Variants in BMPR2 observed in about 807,000 individuals in gnomAD.
BMPR2 encodes bone morphogenetic protein receptor type 2, also known as bone morphogenetic protein receptor type-2.
Under a neutral mutation model 100.8 loss-of-function variants are expected in BMPR2, and 29 were observed. The ratio of observed to expected loss-of-function variants is 0.29; its 90% CI spans 0.21 to 0.39. The LOEUF (loss-of-function observed/expected upper bound fraction) is 0.39, where lower values mean the gene tolerates loss of function less well. Among genes scored for constraint, BMPR2 ranks in the 10% least tolerant of loss-of-function variants. The pLI is 1.00. For missense variants in BMPR2, 1,011 were observed against 1,274.5 expected (o/e 0.79, Z 3.15); for synonymous variants, 382 against 442.3 (o/e 0.86, Z 1.71).
rs1688664445 is a variant in BMPR2 at position 202,560,670 on chromosome 2, T to G, written c.*724T>G. 1 of 152,644 alleles carries G rather than the reference T, an allele frequency of 6.6e-6. No individual in the cohort carries two copies. Among genetic ancestry groups the G allele is most frequent in the South Asian group, 2.1e-4 (1 of 4,836 alleles). 9.5% of individuals were successfully genotyped at this position (152,644 alleles called of 1,614,324 possible). ...ATACAGAAACATTGTCTGAAAGGGC[T>G]CTAAAGAAGGAACTACCAAAACCTG... On this transcript the variant is annotated 3_prime_UTR_variant, in exon 13 of 13. Coordinates refer to ENST00000374580, the MANE Select transcript of BMPR2 (RefSeq NM_001204.7).
chr2:202,521,296 A>T (rs2106009519), intron 7 of BMPR2, among the ~76,000 whole-genome samples: 1 of 152,304 alleles, frequency 6.6e-6, no homozygotes, highest in East Asian at 1.9e-4. Flanking sequence ...GGCGTGATTG[A>T]TGGCTCATGC....
intron 1 of BMPR2, among the ~76,000 whole-genome samples, chr2:202,409,088 T>C (rs980158475): frequency 1.3e-5 from 2 of 152,232 alleles, no homozygotes; most frequent in Non-Finnish European, 2.9e-5. Flanking sequence ...CTCACGCCTG[T>C]AATTCCAACA....
intron 1 of BMPR2, among the ~76,000 whole-genome samples, chr2:202,411,040 T>G (rs1242264352): frequency 2.0e-5 from 3 of 152,158 alleles, no homozygotes; most frequent in Non-Finnish European, 2.9e-5. Flanking sequence ...CATTAGGCGA[T>G]CTCCATGGCA....
chr2:202,465,937 T>A (rs1692312157), intron 2 of BMPR2, among the ~76,000 whole-genome samples: 1 of 152,248 alleles, frequency 6.6e-6, no homozygotes, highest in Non-Finnish European at 1.5e-5. Context: ...TTTCCATGTC[T>A]TTAAAGAATC....
intron 1 of BMPR2, among the ~76,000 whole-genome samples, chr2:202,389,687 G>A (rs558828279): frequency 6.6e-6 from 1 of 150,794 alleles, no homozygotes; most frequent in African/African-American, 2.4e-5. Flanking sequence ...TCTTGTCCAG[G>A]CTGGAGTGCC....
At chr2:202,516,595 T>C (rs1216324551) in intron 5 of BMPR2, among the ~76,000 whole-genome samples, 3 of 152,084 alleles carry the variant, frequency 2.0e-5, no homozygotes, top group Non-Finnish European at 4.4e-5. Flanking sequence ...GAAGGATCAC[T>C]TGAGCCCAAG....
At chr2:202,480,172 G>A (rs901338123) in intron 3 of BMPR2, among the ~76,000 whole-genome samples, 3 of 150,420 alleles carry the variant, frequency 2.0e-5, no homozygotes, top group Admixed American at 6.6e-5. Flanking sequence ...TCACTCTGTC[G>A]CCCAGGCTGG....
chr2:202,399,226 T>G (rs1194268800), intron 1 of BMPR2, among the ~76,000 whole-genome samples: 2 of 152,042 alleles, frequency 1.3e-5, no homozygotes, highest in Non-Finnish European at 2.9e-5. Flanking sequence ...TAGAGGGTAA[T>G]TGGGGAAGGC....
intron 7 of BMPR2, among the ~76,000 whole-genome samples, chr2:202,521,478 G>C (rs1286120590): frequency 6.6e-6 from 1 of 152,008 alleles, no homozygotes; most frequent in Non-Finnish European, 1.5e-5. Context: ...GAGCTGGGAG[G>C]ATTGTTTGAG....
intron 1 of BMPR2, among the ~76,000 whole-genome samples, chr2:202,427,381 G>A (rs1436567899): frequency 5.7e-5 from 8 of 139,378 alleles, no homozygotes; most frequent in Non-Finnish European, 1.1e-4. Flanking sequence ...AAAAAAAAAA[G>A]GGCAGGTATA....
Position 202,555,769 on chromosome 2 carries a change from A to C in BMPR2, c.2104A>C (p.Thr702Pro). The C allele has an allele frequency of 3.7e-6, 6 of 1,614,180 alleles. No individual in the cohort carries two copies. Among genetic ancestry groups the C allele is most frequent in the Non-Finnish European group, 5.1e-6 (6 of 1,180,038 alleles). Reference protein sequence around the residue: ...QFSGPDPLSSTSSSLLYPLIK... With the variant: ...QFSGPDPLSSPSSSLLYPLIK... ...CAGTGGCCCAGACCCACTGAGCAGT[A>C]CTAGTTCTAGCTTGCTTTACCCACT... The change falls in exon 12 of 13, where the codon ACT becomes CCT. Residue 702 changes from threonine to proline, a missense_variant. This residue lies in a region of BMPR2 where 508 missense variants were observed against 552.0 expected (regional missense o/e 0.92). Transcript: ENST00000374580.
At chr2:202,522,516 A>G (rs535538021) in intron 7 of BMPR2, among the ~76,000 whole-genome samples, 1 of 151,792 alleles carries the variant, frequency 6.6e-6, no homozygotes, top group East Asian at 1.9e-4. Flanking sequence ...CAAAAAAAAA[A>G]AAAAGAAATT....
Position 202,446,692 on chromosome 2 carries a change from C to T in BMPR2, c.77-18117C>T, listed in dbSNP as rs193265764. 1.3e-3 allele frequency among the ~76,000 whole-genome samples: 191 copies of T among 148,646 alleles called. 2 individuals are homozygous for T. The highest frequency in any genetic ancestry group is 2.2e-3 in the Non-Finnish European group (149 of 67,894). ...TTTGAAACAGAGTCTTGCTCTGTTG[C>T]TCAGGCTGGAGTGCAGTGGTGCCAT... On this transcript the variant is annotated intron_variant, in intron 1 of 12. Transcript: ENST00000374580.
intron 1 of BMPR2, among the ~76,000 whole-genome samples, chr2:202,422,072 C>A (rs1691274875): frequency 6.6e-6 from 1 of 151,956 alleles, no homozygotes; most frequent in Admixed American, 6.6e-5. Flanking sequence ...CCACACCCAG[C>A]TAATTTTTGT....
At position 202,467,549 on chromosome 2, in the gene BMPR2, A is replaced by T; in HGVS notation, c.278A>T (p.Glu93Val). Residue 93 changes from glutamate to valine, a missense_variant, in exon 3 of 13, where the codon GAG (glutamate) becomes GTG (valine). By Grantham distance (121) the Glu-to-Val change is moderately radical. Around this residue, in one of 6 missense-constraint regions of BMPR2, gnomAD observed 355 missense variants for 455.3 expected, o/e 0.78. Transcript: ENST00000374580. ...TGGTCTCACATTGGAGATCCCCAAG[A>T]GTGTCACTATGAAGAATGTGTAGTA... ...GCWSHIGDPQECHYEECVVTT... is the reference protein window; with the variant it reads ...GCWSHIGDPQVCHYEECVVTT... The T allele has an allele frequency of 6.4e-7, 1 of 1,566,116 alleles. No individual in the cohort carries two copies. The highest frequency in any genetic ancestry group is 2.2e-5 in the East Asian group (1 of 44,626).
At chr2:202,450,873 C>A (rs1691965336) in intron 1 of BMPR2, among the ~76,000 whole-genome samples, 1 of 152,040 alleles carries the variant, frequency 6.6e-6, no homozygotes, top group African/African-American at 2.4e-5. Context: ...ACTCTGAAAT[C>A]CCAGTTGTAT....
At chr2:202,415,845 T>TG (rs532128863) in intron 1 of BMPR2, among the ~76,000 whole-genome samples, 126 of 152,352 alleles carry the variant, frequency 8.3e-4, no homozygotes, top group African/African-American at 2.9e-3. Context: ...TATAAGGAGA[T>TG]GAATGTTGTT....
intron 2 of BMPR2, among the ~76,000 whole-genome samples, 178 bp from the exon 3 acceptor site, chr2:202,467,341 C>T (rs889794361): frequency 1.3e-5 from 2 of 152,146 alleles, no homozygotes; most frequent in Non-Finnish European, 2.9e-5. Context: ...CATGAAATGT[C>T]TTTGGTATCC....
chr2:202,410,315 A>T lies in BMPR2; in HGVS notation c.76+32765A>T, dbSNP rs144689304. Among the ~76,000 whole-genome samples the T allele has an allele frequency of 3.1e-3, 477 of 152,190 alleles. 2 individuals carry two copies. Among genetic ancestry groups the T allele is most frequent in the African/African-American group, 0.011 (462 of 41,520 alleles). On this transcript the variant is annotated intron_variant, in intron 1 of 12. Transcript: ENST00000374580. ...TCTTGGTTTCTAAATAACATTCTCC[A>T]CTAATAAGAACCCTTGAGAAATGAC...
Sources: gnomAD v4.1 joint callset for allele counts (sites outside exome capture counted in the v4.1 genomes callset) on GRCh38, gnomAD v4.1.1 for gene constraint, gnomAD v4.1.1 regional missense constraint, MANE v1.5 for transcripts, NCBI Gene and HGNC (gene_info 2026-07-23, HGNC 2026-07-21) for gene names.